The following SLFN12L variants were observed in gnomAD, a reference collection of about 807,000 sequenced individuals.
The protein encoded by SLFN12L is schlafen family member 12 like.
SLFN12L carries 34 observed loss-of-function variants against 34.8 expected under a neutral mutation model. That is an observed-to-expected ratio of 0.98 (90% CI 0.74 to 1.30). The LOEUF (loss-of-function observed/expected upper bound fraction) is 1.30, where lower values mean the gene tolerates loss of function less well. Ranked by LOEUF, SLFN12L falls within the 50% of genes most tolerant of loss-of-function variation. The pLI is 0.00. For missense variants in SLFN12L, 703 were observed against 696.2 expected, an observed-to-expected ratio of 1.01 and a Z score of -0.11; for synonymous variants, 259 against 247.5, an observed-to-expected ratio of 1.05 and a Z score of -0.44.
intron 2 of SLFN12L, among the ~76,000 whole-genome samples, chr17:35,491,565 T>C (rs1265671592): frequency 6.6e-6 from 1 of 152,200 alleles, no homozygotes; most frequent in African/African-American, 2.4e-5. Flanking sequence ...CTCCCCGGAT[T>C]GGCTTGCTGT....
intron 2 of SLFN12L, among the ~76,000 whole-genome samples, chr17:35,514,076 C>G (rs1005309896): frequency 6.6e-6 from 1 of 152,194 alleles, no homozygotes; most frequent in Admixed American, 6.5e-5. Flanking sequence ...CTCCGACTCC[C>G]TCGTTCAATA....
At chr17:35,523,181 C>T (rs945505442) in intron 1 of SLFN12L, among the ~76,000 whole-genome samples, 4 of 152,258 alleles carry the variant, frequency 2.6e-5, no homozygotes, top group Non-Finnish European at 5.9e-5. Context: ...ATGCCTTTGA[C>T]CTAACCTCTC....
intron 2 of SLFN12L, chr17:35,498,204 G>GGGAGCCGGGGCCGCCTGA: frequency 1.4e-6 from 1 of 733,340 alleles, no homozygotes; most frequent in Non-Finnish European, 2.5e-6. Context: ...GGGCCGCCTG[G>GGGAGCCGGGGCCGCCTGA]GATGTTCAGT....
At chr17:35,529,790 C>T (rs929253199) in intron 1 of SLFN12L, among the ~76,000 whole-genome samples, 5 of 151,980 alleles carry the variant, frequency 3.3e-5, no homozygotes, top group African/African-American at 1.2e-4. Flanking sequence ...ATGTGAATAC[C>T]TATGTAACAA....
intron 2 of SLFN12L, among the ~76,000 whole-genome samples, chr17:35,508,027 G>A (rs1411846726): frequency 3.3e-5 from 5 of 152,176 alleles, no homozygotes; most frequent in Admixed American, 3.3e-4. Context: ...GCCGTGCCCT[G>A]GGCCTGGTTA....
rs1567693556 is a variant in SLFN12L at position 35,530,413 on chromosome 17, GGAAGGAAGGAAGGA to G, written c.-606+7146_-606+7159del. Among the ~76,000 whole-genome samples, 238 of 12,544 alleles carry G rather than the reference GGAAGGAAGGAAGGA, an allele frequency of 0.019. 52 individuals carry two copies. The East Asian group carries it at 0.26, about 14-fold the overall frequency. The allele number at this position is 12,544 out of a possible 152,430, so 8.2% of individuals were successfully genotyped here. A position where few individuals can be genotyped will look rare whatever the true frequency, so the allele number is the denominator to read the frequency against. On this transcript the variant is annotated intron_variant, in intron 1 of 4. Transcript: ENST00000628453. ...AGGAAGGAAGGAAGGAAGGAAGGAAGGAAGGAAGGAAGGAAGGGAAGGGAAGGGAAGAAAGAAAG... is the reference window on the plus strand; with the variant it reads ...AGGAAGGAAGGAAGGAAGGAAGGAAGAGGGAAGGGAAGGGAAGAAAGAAAG...
Position 35,512,300 on chromosome 17 carries a change from T to G in SLFN12L, c.86+9979A>C, listed in dbSNP as rs949673761. ...GACTTGGTTCTATCACCCGGTAAAC[T>G]TAAGATGGGAACAGAAAGTGGCAAT... On this transcript the variant is annotated intron_variant, in intron 2 of 4. Transcript: ENST00000628453. Among the ~76,000 whole-genome samples the G allele has an allele frequency of 3.5e-5, 5 of 143,278 alleles. No individual in the cohort carries two copies. The East Asian group carries it at 1.1e-3, about 33-fold the overall frequency. 94.0% of individuals were successfully genotyped at this position (143,278 alleles called of 152,430 possible).
At chr17:35,523,801 G>T (rs1303610892) in intron 1 of SLFN12L, among the ~76,000 whole-genome samples, 1 of 152,080 alleles carries the variant, frequency 6.6e-6, no homozygotes, top group Admixed American at 6.6e-5. Flanking sequence ...TAGGCATAAT[G>T]GTGCATGCCT....
At chr17:35,491,150 T>C (rs1401256146) in intron 2 of SLFN12L, 3 of 804,910 alleles carry the variant, frequency 3.7e-6, no homozygotes, top group Non-Finnish European at 6.5e-6. Context: ...CTGCTCCTCC[T>C]GAGCCTCGGG....
intron 2 of SLFN12L, among the ~76,000 whole-genome samples, chr17:35,513,819 T>C (rs1305735032): frequency 6.6e-6 from 1 of 152,188 alleles, no homozygotes; most frequent in Non-Finnish European, 1.5e-5. Context: ...AAAAGTTAAG[T>C]TTCAGATTAA....
At position 35,469,289 on chromosome 17, in the gene SLFN12L, AAT is replaced by A. The variant is rs1286616849; in HGVS notation, c.*5632_*5633del. On this transcript the variant is annotated 3_prime_UTR_variant, in exon 5 of 5. Transcript: ENST00000628453. ...TGACTGCAGGACCTGTTTTATATAA[AAT>A]ATATATATATAAAATATATATATAT... Among the ~76,000 whole-genome samples, 18 of 138,950 alleles carry A rather than the reference AAT, an allele frequency of 1.3e-4. No homozygotes were observed. The highest frequency in any genetic ancestry group is 4.5e-4 in the African/African-American group (16 of 35,368). The allele number at this position is 138,950 out of a possible 152,430, so 91.2% of individuals were successfully genotyped here.
intron 4 of SLFN12L, among the ~76,000 whole-genome samples, chr17:35,476,484 A>C (rs1046527984): frequency 5.6e-5 from 8 of 143,594 alleles, no homozygotes; most frequent in Middle Eastern, 3.4e-3. Context: ...GAAGGAAGGA[A>C]GGAAGGAAGG....
At chr17:35,490,166 G>C in intron 2 of SLFN12L, 1 of 1,606,716 alleles carries the variant, frequency 6.2e-7, no homozygotes, top group Admixed American at 1.7e-5. Context: ...CAGCAGAGCC[G>C]GGCTGCTGCA....
chr17:35,483,092 A>G (rs576758179), intron 2 of SLFN12L, among the ~76,000 whole-genome samples: 4 of 152,102 alleles, frequency 2.6e-5, no homozygotes, highest in Non-Finnish European at 4.4e-5. Context: ...CTGAAGAGAC[A>G]TTGGCTGCAG....
chr17:35,501,284 G>C (rs1220746505), intron 2 of SLFN12L, among the ~76,000 whole-genome samples: 1 of 152,198 alleles, frequency 6.6e-6, no homozygotes, highest in Admixed American at 6.5e-5. Context: ...GGATCAATAT[G>C]GTGGCTGAAC....
intron 2 of SLFN12L, among the ~76,000 whole-genome samples, chr17:35,508,005 A>G (rs532508550): frequency 6.6e-6 from 1 of 152,352 alleles, no homozygotes; most frequent in South Asian, 2.1e-4. Flanking sequence ...ATCCACAGGC[A>G]GATAGCCTGG....
intron 2 of SLFN12L, chr17:35,514,917 G>A: frequency 2.4e-6 from 1 of 412,796 alleles, no homozygotes; most frequent in Non-Finnish European, 4.8e-6. Context: ...ACAGCACTTG[G>A]ATTTGTCAGG....
In SLFN12L at chr17:35,522,303, C is replaced by G. The variant is rs772888467; in HGVS notation, c.62G>C (p.Ser21Thr). The G allele has an allele frequency of 1.9e-6, 3 of 1,614,030 alleles. No homozygotes were observed. The African/African-American group carries it at 4.0e-5, about 22-fold the overall frequency. Residue 21 changes from serine to threonine, a missense_variant, in exon 2 of 5, where the codon AGT becomes ACT. Ser to Thr is a moderately conservative substitution (Grantham distance 58). Transcript: ENST00000628453. ...EAHRILYICE[S>T]QFLRNFIRKE... is the part of the protein sequence containing the mutation. ...CCTGATGAAATTCCTCAGAAACTGA[C>G]TTTCACAAATGTAGAGAATTCTGTG...
chr17:35,478,359 A>C (rs1050336758), intron 3 of SLFN12L, 174 bp from the exon 4 acceptor site: 6 of 459,042 alleles, frequency 1.3e-5, no homozygotes, highest in African/African-American at 1.3e-4. Context: ...GTCAGATACA[A>C]ATTGTAAAAT....
Sources: gnomAD v4.1 joint callset for allele counts (sites outside exome capture counted in the v4.1 genomes callset) on GRCh38, gnomAD v4.1.1 for gene constraint, MANE v1.5 for transcripts, NCBI Gene and HGNC (gene_info 2026-07-23, HGNC 2026-07-21) for gene names.